Variants in DOCK9 observed in about 807,000 individuals in gnomAD.
The protein encoded by DOCK9 is dedicator of cytokinesis protein 9.
DOCK9 carries 89 observed loss-of-function variants against 263.3 expected under a neutral mutation model. The observed-to-expected ratio is 0.34, with a 90% confidence interval of 0.28 to 0.40. The LOEUF is 0.40. Among genes scored for constraint, DOCK9 ranks in the 10% least tolerant of loss-of-function variants. The pLI is 1.00. For missense variants in DOCK9, 2,140 were observed against 2,603.4 expected (o/e 0.82, Z 3.87); for synonymous variants, 976 against 973.1 (o/e 1.00, Z -0.06).
chr13:98,865,704 G>A (rs2094001792), intron 30 of DOCK9, among the ~76,000 whole-genome samples: 1 of 152,168 alleles, frequency 6.6e-6, no homozygotes, highest in South Asian at 2.1e-4. Context: ...CAGGTGGAAG[G>A]AAGGAGAGTC....
chr13:98,992,668 C>T (rs1248567209), intron 1 of DOCK9, among the ~76,000 whole-genome samples: 3 of 152,186 alleles, frequency 2.0e-5, no homozygotes, highest in Non-Finnish European at 4.4e-5. Flanking sequence ...ATAAGATGTG[C>T]CTTTGCTTTT....
intron 48 of DOCK9, among the ~76,000 whole-genome samples, chr13:98,806,024 T>G (rs1224126007): frequency 6.6e-6 from 1 of 152,204 alleles, no homozygotes; most frequent in Non-Finnish European, 1.5e-5. Flanking sequence ...CCTCCCAAAG[T>G]GCTGGTTTTC....
chr13:99,060,586 T>C (rs2041144470), intron 1 of DOCK9, among the ~76,000 whole-genome samples: 1 of 152,194 alleles, frequency 6.6e-6, no homozygotes, highest in African/African-American at 2.4e-5. Flanking sequence ...ACACCAGCAA[T>C]GTATGACGGT....
In DOCK9 at chr13:98,825,848, G is replaced by T. The variant is rs1213540679; in HGVS notation, c.5023+982C>A. On this transcript the variant is annotated intron_variant, in intron 44 of 52. Transcript: ENST00000682017. The surrounding 1 kb of genome is among the most constrained non-coding windows in gnomAD (Gnocchi z 4.1). ...GTGACCAGGGCAGGGGGTCCCCGGG[G>T]GCTGGGCTGATCCTCAGGCTCACCT... 6.7e-7 allele frequency: 1 copy of T among 1,488,808 alleles called. No homozygotes were observed. Among genetic ancestry groups the T allele is most frequent in the Non-Finnish European group, 9.0e-7 (1 of 1,114,740 alleles). The allele number at this position is 1,488,808 out of a possible 1,614,324, so 92.2% of individuals were successfully genotyped here.
intron 1 of DOCK9, among the ~76,000 whole-genome samples, chr13:99,083,081 C>T (rs758372890): frequency 6.6e-6 from 1 of 152,012 alleles, no homozygotes; most frequent in Non-Finnish European, 1.5e-5. Flanking sequence ...ATGATGAAAC[C>T]TCATCTCTAC....
At chr13:98,904,587 C>G in intron 10 of DOCK9, 45 bp downstream of exon 10, 3 of 1,374,092 alleles carry the variant, frequency 2.2e-6, no homozygotes, top group Non-Finnish European at 3.0e-6. Flanking sequence ...ATGATTTTCT[C>G]TCCCACATTT....
intron 47 of DOCK9, 31 bp from the exon 48 acceptor site, chr13:98,807,838 C>A: frequency 6.3e-7 from 1 of 1,585,780 alleles, no homozygotes; most frequent in Non-Finnish European, 8.6e-7. Flanking sequence ...AGAGCTATCC[C>A]TGAACGTAAG....
intron 1 of DOCK9, among the ~76,000 whole-genome samples, chr13:99,082,568 A>AAAT (rs1566405814): frequency 0.14 from 4,790 of 33,416 alleles, 112 homozygotes; most frequent in East Asian, 0.41. Flanking sequence ...AATAAATAAA[A>AAAT]AAAAACAGCT....
Position 99,035,673 on chromosome 13 carries a change from G to A in DOCK9, c.129+50550C>T, listed in dbSNP as rs148847510. 9.5e-4 allele frequency among the ~76,000 whole-genome samples: 145 copies of A among 152,314 alleles called. 2 individuals carry two copies. The highest frequency in any genetic ancestry group is 3.4e-3 in the African/African-American group (143 of 41,566). ...TGAACTGTTTACACTTGGACTAAGAGTAAACCTAACTTCCATCCTTTATAA... is the reference window on the plus strand; with the variant it reads ...TGAACTGTTTACACTTGGACTAAGAATAAACCTAACTTCCATCCTTTATAA... On this transcript the variant is annotated intron_variant, in intron 1 of 32. Coordinates refer to the DOCK9 transcript ENST00000427887.
At chr13:98,900,217 G>C (rs1365486153) in intron 13 of DOCK9, among the ~76,000 whole-genome samples, 1 of 152,210 alleles carries the variant, frequency 6.6e-6, no homozygotes, top group Non-Finnish European at 1.5e-5. Context: ...GGACATGGAG[G>C]AGTGTGCAGA....
intron 10 of DOCK9, among the ~76,000 whole-genome samples, chr13:98,903,723 A>G (rs2139530304): frequency 6.6e-6 from 1 of 152,320 alleles, no homozygotes; most frequent in Admixed American, 6.5e-5. Flanking sequence ...ATGTCCATCA[A>G]GTATCCAACC....
chr13:98,942,663 G>A (rs1350524398), intron 2 of DOCK9, among the ~76,000 whole-genome samples: 1 of 152,224 alleles, frequency 6.6e-6, no homozygotes, highest in Non-Finnish European at 1.5e-5. Context: ...CATAACGCTA[G>A]AGATACATTC....
chr13:99,025,125 G>A (rs1005835783), intron 1 of DOCK9: 9 of 152,324 alleles, frequency 5.9e-5, no homozygotes, highest in African/African-American at 1.9e-4. Flanking sequence ...TGACGTTTAT[G>A]TGAATTTAGG....
At chr13:98,986,960 C>T (rs899034452) in intron 1 of DOCK9, among the ~76,000 whole-genome samples, 1 of 152,172 alleles carries the variant, frequency 6.6e-6, no homozygotes, top group African/African-American at 2.4e-5. Context: ...TCCCTTCTCT[C>T]TGCTGTCAAA....
At chr13:98,935,895 G>T (rs2054745782) in intron 2 of DOCK9, among the ~76,000 whole-genome samples, 1 of 152,200 alleles carries the variant, frequency 6.6e-6, no homozygotes, top group Admixed American at 6.5e-5. Context: ...CAGCTGCTAA[G>T]GTCTTCTAAT....
chr13:98,998,643 C>T (rs530890407), intron 1 of DOCK9, among the ~76,000 whole-genome samples: 1 of 152,270 alleles, frequency 6.6e-6, no homozygotes, highest in African/African-American at 2.4e-5. Context: ...ATCCATCACC[C>T]ACCCAGGCAC....
At chr13:99,021,694 T>C (rs754504693) in intron 1 of DOCK9, among the ~76,000 whole-genome samples, 1 of 145,286 alleles carries the variant, frequency 6.9e-6, no homozygotes, top group Admixed American at 6.9e-5. Context: ...GAAAAAAGAG[T>C]TAAGATAGCT....
In DOCK9 at chr13:98,888,361, T is replaced by C. The variant is rs1282152492; in HGVS notation, c.1976A>G (p.Lys659Arg). The C allele has an allele frequency of 6.2e-7, 1 of 1,612,416 alleles. No individual in the cohort carries two copies. Among genetic ancestry groups the C allele is most frequent in the East Asian group, 2.2e-5 (1 of 44,862 alleles). ...TGAAACCTCCATCTTCACACTCACCTTGGCAAAAGACTTCTGACTGTCGTA... is the reference window on the plus strand; with the variant it reads ...TGAAACCTCCATCTTCACACTCACCCTGGCAAAAGACTTCTGACTGTCGTA... The part of the protein sequence containing the change: ...LKYDSQKSFA[K>R]ARNIAICIEF... Residue 659 changes from lysine to arginine, a missense_variant and splice_region_variant, in exon 17 of 53, where the codon AAG becomes AGG. Transcript: ENST00000682017.
intron 37 of DOCK9, chr13:98,846,782 A>G (rs1287579001): frequency 2.8e-6 from 1 of 358,142 alleles, no homozygotes; most frequent in Admixed American, 3.8e-5. Context: ...GGGTGACTTC[A>G]AAGTGACAAT....
Sources: gnomAD v4.1 joint callset for allele counts (sites outside exome capture counted in the v4.1 genomes callset) on GRCh38, gnomAD v4.1.1 for gene constraint, Gnocchi (gnomAD v3.1) non-coding constraint, MANE v1.5 for transcripts, NCBI Gene and HGNC (gene_info 2026-07-23, HGNC 2026-07-21) for gene names.